The following NDST2 variants were observed in gnomAD, a reference collection of about 807,000 sequenced individuals.
NDST2 encodes the protein bifunctional heparan sulfate N-deacetylase/N-sulfotransferase 2.
A neutral mutation model predicts 86.9 loss-of-function variants in NDST2; 32 were observed. The ratio of observed to expected loss-of-function variants is 0.37; its 90% CI spans 0.28 to 0.49. The LOEUF is 0.49. NDST2 is among the 20% of genes least tolerant of loss of function. The pLI is 0.97. For missense variants in NDST2, 950 were observed against 1,146.9 expected (o/e 0.83, Z 2.48); for synonymous variants, 409 against 437.0 (o/e 0.94, Z 0.80).
chr10:73,804,478 TAA>T (rs1261598753), intron 9 of NDST2, among the ~76,000 whole-genome samples: 1 of 151,910 alleles, frequency 6.6e-6, no homozygotes, highest in African/African-American at 2.4e-5. Context: ...CCGTCTCTAC[TAA>T]AAATACAAAA....
chr10:73,803,519 T>TGGGGGGGGGGCGG, intron 11 of NDST2, 55 bp downstream of exon 11: 6 of 565,886 alleles, frequency 1.1e-5, no homozygotes, highest in African/African-American at 2.0e-5. Flanking sequence ...GCAGTCACTG[T>TGGGGGGGGGGCGG]CCCCTCCCCC....
chr10:73,805,002 G>A (rs1589611690), intron 8 of NDST2, 133 bp from the exon 9 acceptor site: 1 of 518,964 alleles, frequency 1.9e-6, no homozygotes. Context: ...CTGGGTTCAA[G>A]CAATTCTCTT....
At chr10:73,811,035 G>GGGGGCC (rs994590469) in intron 1 of NDST2, 132 bp from the exon 2 acceptor site, 24 of 391,834 alleles carry the variant, frequency 6.1e-5, no homozygotes, top group South Asian at 2.6e-4. Context: ...GAAGCCAGAC[G>GGGGGCC]GGGGCCGGGG....
chr10:73,805,901 G>A lies in NDST2; in HGVS notation c.1562C>T (p.Pro521Leu), dbSNP rs921299763. Residue 521 changes from proline (P) to leucine (L), a missense_variant and splice_region_variant, in exon 7 of 15, where the codon CCG (proline) becomes CTG (leucine). By Grantham distance (98) the Pro-to-Leu change is moderately conservative. Transcript: ENST00000309979. ...TAGCCGTTCCTCTCAGCACCTTACC[G>A]GATTAAGCAGCACTGTCAGAAAGAG... ...GELFLTVLLNPISIFMTHLSN... is the reference protein window; with the variant it reads ...GELFLTVLLNLISIFMTHLSN... 9.9e-6 allele frequency: 16 copies of A among 1,614,068 alleles called. No individual in the cohort carries two copies. The highest frequency in any genetic ancestry group is 1.4e-5 in the Non-Finnish European group (16 of 1,180,050).
Position 73,808,756 on chromosome 10 carries a change from A to C in NDST2, c.-341-27T>G. On this transcript the variant is annotated intron_variant, in intron 2 of 14. Coordinates refer to ENST00000309979, the MANE Select transcript of NDST2 (RefSeq NM_003635.4). The surrounding 1 kb of genome is among the most constrained non-coding windows in gnomAD (Gnocchi z 4.3). ...TGTAAGACAGAGAAATCAGTGGGTT[A>C]CTCCTCCCTCTGAAATTGTCATTAA... 2 of 190,362 alleles carry C rather than the reference A, an allele frequency of 1.1e-5. No individual in the cohort carries two copies. Among genetic ancestry groups the C allele is most frequent in the East Asian group, 1.2e-4 (1 of 8,294 alleles). The allele number at this position is 190,362 out of a possible 1,614,324, so 11.8% of individuals were successfully genotyped here.
At position 73,802,958 on chromosome 10, in the gene NDST2, T is replaced by TCATG; in HGVS notation, c.2423+10_2423+13dup. ...TCCCATACAGTACTCCTCCCCTGGG[T>TCATG]CATGCTCTCCCACCTGAGGGTCCGT... On this transcript the variant is annotated intron_variant, in intron 13 of 14. Coordinates refer to ENST00000309979, the MANE Select transcript of NDST2 (RefSeq NM_003635.4). 6.2e-7 allele frequency: 1 copy of TCATG among 1,612,042 alleles called. No individual in the cohort carries two copies. Among genetic ancestry groups the TCATG allele is most frequent in the South Asian group, 1.1e-5 (1 of 91,042 alleles).
Position 73,803,329 on chromosome 10 carries a change from G to T in NDST2, c.2173C>A (p.Leu725Met), listed in dbSNP as rs781229872. ...HQRAHGDPVA[L>M]NYTFYQVISA... ...ATCACCTGATAGAAGGTATAGTTCA[G>T]AGCAACTGGGTCTCCATGGGCTCGC... The change falls in exon 12 of 15, where the codon CTG becomes ATG. Residue 725 changes from leucine (L) to methionine (M), a missense_variant. By Grantham distance (15) the Leu-to-Met change is conservative. Coordinates refer to ENST00000309979, the MANE Select transcript of NDST2 (RefSeq NM_003635.4). The T allele has an allele frequency of 2.5e-6, 4 of 1,614,114 alleles. No individual in the cohort carries two copies. The African/African-American group carries it at 4.0e-5, about 16-fold the overall frequency.
Position 73,803,270 on chromosome 10 carries a change from G to C in NDST2, c.2232C>G (p.Arg744=), listed in dbSNP as rs888029727. The C allele has an allele frequency of 4.3e-6, 7 of 1,614,098 alleles. No individual in the cohort carries two copies. The African/African-American group carries it at 8.0e-5, about 18-fold the overall frequency. The change falls in exon 12 of 15, where the codon CGC becomes CGG. Residue 744 remains arginine (R), a synonymous_variant. Coordinates refer to ENST00000309979, the MANE Select transcript of NDST2 (RefSeq NM_003635.4). The part of the protein sequence containing the change: ...SASSQTPLAL[R]SLQNRCLVPG... ...GGACAAGACAGCGGTTCTGCAGGGA[G>C]CGTAGTGCCAGAGGGGTCTGGGAGG...
In NDST2 at chr10:73,806,516, G is replaced by C. The variant is rs1189911561; in HGVS notation, c.1249-42C>G. ...CTCTCACCAGGACCTGGTGAGGTTT[G>C]GGGAGTAGAGGGTAAAGAGGGTGGG... On this transcript the variant is annotated intron_variant, in intron 5 of 14. Coordinates refer to ENST00000309979, the MANE Select transcript of NDST2 (RefSeq NM_003635.4). The surrounding 1 kb of genome is among the most constrained non-coding windows in gnomAD (Gnocchi z 4.5). 2 of 1,553,686 alleles carry C rather than the reference G, an allele frequency of 1.3e-6. No homozygotes were observed. The highest frequency in any genetic ancestry group is 1.9e-5 in the Admixed American group (1 of 53,720).
intron 2 of NDST2, 150 bp downstream of exon 2, chr10:73,810,649 C>T (rs983076756): frequency 2.8e-5 from 11 of 390,564 alleles, no homozygotes; most frequent in Non-Finnish European, 3.2e-5. Context: ...CAGGGTGTAT[C>T]ATCCCGTATT....
At position 73,803,709 on chromosome 10, in the gene NDST2, A is replaced by T. The variant is rs141948558; in HGVS notation, c.2007T>A (p.Thr669=). 1.6e-3 allele frequency: 2,548 copies of T among 1,614,182 alleles called. 4 individuals are homozygous for T. The highest frequency in any genetic ancestry group is 1.9e-3 in the Admixed American group (115 of 60,016). The change falls in exon 11 of 15, where the codon ACT becomes ACA. Residue 669 remains threonine (T), a synonymous_variant. Coordinates refer to ENST00000309979, the MANE Select transcript of NDST2 (RefSeq NM_003635.4). ...DFFPVPSNAS[T]DFLFEKSATY... The stretch of plus-strand genomic sequence containing the variant: ...TGGCACTTTTTTCAAATAGGAAATC[A>T]GTGCTGGCATTGGAAGGAACAGGGA...
At position 73,802,574 on chromosome 10, in the gene NDST2, G is replaced by C; in HGVS notation, c.2529C>G (p.Ser843=). 1 of 1,614,154 alleles carries C rather than the reference G, an allele frequency of 6.2e-7. No individual in the cohort carries two copies. Among genetic ancestry groups the C allele is most frequent in the Non-Finnish European group, 8.5e-7 (1 of 1,180,034 alleles). The change falls in exon 15 of 15, where the codon TCC becomes TCG. Residue 843 remains serine, a splice_region_variant and synonymous_variant. Coordinates refer to ENST00000309979, the MANE Select transcript of NDST2 (RefSeq NM_003635.4). ...GGAAAAAATCCGTAAGGAAAAGACG[G>C]GACTGACAGGAGAAAATGAAGGCAG... ...GRRYPDMDTE[S]RLFLTDFFRN... is the part of the protein sequence containing the mutation.
chr10:73,808,839 CAAAAAA>C lies in NDST2; in HGVS notation c.-341-116_-341-111del, dbSNP rs79478385. The C allele has an allele frequency of 4.7e-4, 52 of 111,338 alleles. No homozygotes were observed. Among genetic ancestry groups the C allele is most frequent in the Non-Finnish European group, 6.7e-4 (35 of 52,572 alleles). The allele number at this position is 111,338 out of a possible 1,614,324, so 6.9% of individuals were successfully genotyped here. ...TCCTGCTTACTGGATAATCTGTTCT[CAAAAAA>C]AAAAAAAAAAAAGTTTCCTCTAGGA... On this transcript the variant is annotated intron_variant, in intron 2 of 14. Coordinates refer to ENST00000309979, the MANE Select transcript of NDST2 (RefSeq NM_003635.4). This position sits in a 1 kb window ranked among gnomAD's most constrained non-coding sequence, Gnocchi z 4.3.
Position 73,803,061 on chromosome 10 carries a change from T to G in NDST2, c.2334A>C (p.Gln778His). 6.2e-7 allele frequency: 1 copy of G among 1,614,216 alleles called. No homozygotes were observed. Among genetic ancestry groups the G allele is most frequent in the Non-Finnish European group, 8.5e-7 (1 of 1,180,038 alleles). The change falls in exon 13 of 15, where the codon CAA becomes CAC. Residue 778 changes from glutamine (Q) to histidine (H), a missense_variant. Physicochemically the swap from Gln to His is conservative, Grantham distance 24. This residue lies in a region of NDST2 where 303 missense variants were observed against 323.7 expected (regional missense o/e 0.94). Coordinates refer to ENST00000309979, the MANE Select transcript of NDST2 (RefSeq NM_003635.4). ...PSGQLLIVDGQELRTNPAASM... is the reference protein window; with the variant it reads ...PSGQLLIVDGHELRTNPAASM... The stretch of plus-strand genomic sequence containing the variant: ...AGGCTGCTGGGTTGGTACGCAGCTC[T>G]TGCCCATCCACAATCAGCAACTAAA...
chr10:73,807,557 C>A lies in NDST2; in HGVS notation c.832G>T (p.Val278Leu), dbSNP rs770438908. Residue 278 changes from valine (V) to leucine (L), a missense_variant, in exon 3 of 15, where the codon GTG becomes TTG. Around this residue, in one of 5 missense-constraint regions of NDST2, gnomAD observed 586 missense variants for 714.0 expected, o/e 0.82. Coordinates refer to ENST00000309979, the MANE Select transcript of NDST2 (RefSeq NM_003635.4). ...DLGLHDGIQR[V>L]LFGHGLSFWL... Reference sequence around the variant, plus strand: ...AAGGAAAGGCCATGTCCAAAGAGCACCCGCTGGATGCCATCATGAAGCCCC... The same window carrying A: ...AAGGAAAGGCCATGTCCAAAGAGCAACCGCTGGATGCCATCATGAAGCCCC... The A allele has an allele frequency of 1.2e-6, 2 of 1,614,168 alleles. No homozygotes were observed. The highest frequency in any genetic ancestry group is 1.7e-5 in the Admixed American group (1 of 60,012).
chr10:73,802,731 A>AC lies in NDST2; in HGVS notation c.2468dup (p.Lys824Ter), dbSNP rs1452775918. 6.2e-7 allele frequency: 1 copy of AC among 1,614,164 alleles called. No individual in the cohort carries two copies. Among genetic ancestry groups the AC allele is most frequent in the Non-Finnish European group, 8.5e-7 (1 of 1,180,036 alleles). On this transcript the variant is annotated frameshift_variant, in exon 14 of 15. Transcript: ENST00000309979. LOFTEE classifies it high-confidence loss of function. ...TGCTCCGGCCTAGACAGCGAGTCTTACCACCTTCAAGTCCCTGGCACCAAA... is the reference window on the plus strand; with the variant it reads ...TGCTCCGGCCTAGACAGCGAGTCTTACCCACCTTCAAGTCCCTGGCACCAAA...
At chr10:73,804,601 C>T (rs1442763392) in intron 9 of NDST2, among the ~76,000 whole-genome samples, 172 bp downstream of exon 9, 3 of 151,242 alleles carry the variant, frequency 2.0e-5, no homozygotes, top group South Asian at 2.1e-4. Context: ...CGTGCCACTG[C>T]GCTCCAGCCT....
Position 73,807,645 on chromosome 10 carries a change from A to G in NDST2, c.744T>C (p.Ala248=). 2 of 1,614,264 alleles carry G rather than the reference A, an allele frequency of 1.2e-6. No homozygotes were observed. The highest frequency in any genetic ancestry group is 2.2e-5 in the South Asian group (2 of 91,084). The change falls in exon 3 of 15, where the codon GCT becomes GCC. Residue 248 remains alanine (A), a synonymous_variant. Transcript: ENST00000309979. ...GAACTGGTCCTGGCACTGCGGGCTC[A>G]GCTGGCCGAAGGCTGGCAAGAAGCA... is the stretch of plus-strand genomic sequence containing the variant. The part of the protein sequence containing the change: ...EPVLLASLRP[A]EPAVPGPVLR...
Position 73,806,802 on chromosome 10 carries a change from T to C in NDST2, c.1103A>G (p.Glu368Gly). Reference sequence around the variant, plus strand: ...CAGCATGTCGTCCCCTGCATCCTCCTCCTCTGTCCCTATGACCACACGCTG... The same window carrying C: ...CAGCATGTCGTCCCCTGCATCCTCCCCCTCTGTCCCTATGACCACACGCTG... ...SGKFYHTGTE[E>G]EDAGDDMLLK... Residue 368 changes from glutamate (E) to glycine (G), a missense_variant, in exon 5 of 15, where the codon GAG becomes GGG. By Grantham distance (98) the Glu-to-Gly change is moderately conservative. This residue lies in a region of NDST2 where 586 missense variants were observed against 714.0 expected (regional missense o/e 0.82). Coordinates refer to ENST00000309979, the MANE Select transcript of NDST2 (RefSeq NM_003635.4). This position sits in a 1 kb window ranked among gnomAD's most constrained non-coding sequence, Gnocchi z 4.5. The C allele has an allele frequency of 6.2e-7, 1 of 1,613,938 alleles. No individual in the cohort carries two copies. The highest frequency in any genetic ancestry group is 8.5e-7 in the Non-Finnish European group (1 of 1,179,882).
Sources: allele counts gnomAD v4.1 joint callset (sites outside exome capture counted in the v4.1 genomes callset), GRCh38; gene constraint gnomAD v4.1.1; regional missense constraint gnomAD v4.1.1; non-coding constraint Gnocchi (gnomAD v3.1); transcripts MANE v1.5; gene names NCBI Gene and HGNC (gene_info 2026-07-23, HGNC 2026-07-21).